The following CHIT1 variants were observed in gnomAD, a reference collection of about 807,000 sequenced individuals.
CHIT1 encodes the protein chitinase 1.
A neutral mutation model predicts 52.0 loss-of-function variants in CHIT1; 47 were observed. The observed-to-expected ratio is 0.90, with a 90% CI of 0.71 to 1.15. CHIT1 has a LOEUF of 1.15. Among genes scored for constraint, CHIT1 ranks in the 50% most tolerant of loss-of-function variants. The probability of loss-of-function intolerance (pLI) is 0.00; values close to 1 mark genes in which losing one functional copy is unlikely to be tolerated. For missense variants in CHIT1, 569 were observed against 583.0 expected, an observed-to-expected ratio of 0.98 and a Z score of 0.25; for synonymous variants, 242 against 228.2, an observed-to-expected ratio of 1.06 and a Z score of -0.54.
At chr1:203,222,397 A>T (rs549549514) in intron 6 of CHIT1, 72 bp from the exon 7 acceptor site, 5 of 1,607,984 alleles carry the variant, frequency 3.1e-6, no homozygotes, top group Non-Finnish European at 4.2e-6. Context: ...TCTCACTCCT[A>T]CCCCCTCAGT....
chr1:203,228,855 T>TG (rs2102247124), intron 1 of CHIT1, among the ~76,000 whole-genome samples: 1 of 152,258 alleles, frequency 6.6e-6, no homozygotes, highest in South Asian at 2.1e-4. Context: ...AGGAAGATTG[T>TG]GGAAAAACTG....
intron 9 of CHIT1, among the ~76,000 whole-genome samples, chr1:203,218,287 G>T (rs1356846023): frequency 6.6e-6 from 1 of 152,148 alleles, no homozygotes; most frequent in Admixed American, 6.5e-5. Context: ...CTCAATCAAG[G>T]CTTGCTTCTC....
rs138109389 is a variant in CHIT1 at position 203,220,311 on chromosome 1, G to A, written c.730-462C>T. 1.1e-3 allele frequency among the ~76,000 whole-genome samples: 173 copies of A among 152,312 alleles called. 1 individual carries two copies. Among genetic ancestry groups the A allele is most frequent in the African/African-American group, 4.1e-3 (172 of 41,576 alleles). On this transcript the variant is annotated intron_variant, in intron 7 of 10. Coordinates refer to ENST00000367229, the MANE Select transcript of CHIT1 (RefSeq NM_003465.3). ...AGGTTATAATGCATGTAAAAGGTCA[G>A]CACAACGCAATAAAGGGTCGCTGTG... is the stretch of plus-strand genomic sequence containing the variant.
At chr1:203,221,904 G>T (rs1182534782) in intron 7 of CHIT1, among the ~76,000 whole-genome samples, 3 of 152,130 alleles carry the variant, frequency 2.0e-5, no homozygotes, top group African/African-American at 4.8e-5. Context: ...GAAGCAGCAG[G>T]CCTGCTGGCT....
chr1:203,227,135 T>C (rs1656956098), intron 2 of CHIT1, among the ~76,000 whole-genome samples: 1 of 151,590 alleles, frequency 6.6e-6, no homozygotes, highest in Non-Finnish European at 1.5e-5. Context: ...TATAGGAGAG[T>C]TTTGGGAAGA....
chr1:203,222,837 C>T (rs975790560), intron 6 of CHIT1, among the ~76,000 whole-genome samples: 1 of 152,160 alleles, frequency 6.6e-6, no homozygotes, highest in African/African-American at 2.4e-5. Context: ...AATGGCTTCA[C>T]TACCCACTCA....
At chr1:203,229,691 T>C, upstream of CHIT1, 1 of 1,601,500 alleles carries the variant, frequency 6.2e-7, no homozygotes, top group Non-Finnish European at 8.5e-7. Flanking sequence ...CAGGTCCTGC[T>C]CTGCTTTTAT....
chr1:203,226,186 A>C (rs1656923017), intron 2 of CHIT1, among the ~76,000 whole-genome samples: 1 of 152,234 alleles, frequency 6.6e-6, no homozygotes. Flanking sequence ...ATGGCTGCTA[A>C]GAGGGCAGAG....
intron 6 of CHIT1, 117 bp downstream of exon 6, chr1:203,223,018 G>A: frequency 7.3e-7 from 1 of 1,366,948 alleles, no homozygotes; most frequent in Non-Finnish European, 1.0e-6. Context: ...GTGTAAGGAT[G>A]GGACTTTCCA....
At chr1:203,229,803 A>G, upstream of CHIT1, 1 of 765,324 alleles carries the variant, frequency 1.3e-6, no homozygotes, top group Non-Finnish European at 2.3e-6. Flanking sequence ...AAGCAGCATG[A>G]ATTGGGCAAA....
At chr1:203,221,532 G>A (rs1332103039) in intron 7 of CHIT1, among the ~76,000 whole-genome samples, 1 of 152,074 alleles carries the variant, frequency 6.6e-6, no homozygotes, top group Non-Finnish European at 1.5e-5. Flanking sequence ...GGGGCAGGAG[G>A]ATCGCTTAAG....
At chr1:203,217,898 G>C (rs757044414) in intron 9 of CHIT1, 33 bp from the exon 10 acceptor site, 2 of 1,593,632 alleles carry the variant, frequency 1.3e-6, no homozygotes. Flanking sequence ...GGAGGAGCCC[G>C]GGGAAGCCTG....
intron 7 of CHIT1, among the ~76,000 whole-genome samples, chr1:203,220,894 A>T (rs1488319875): frequency 6.6e-6 from 1 of 152,230 alleles, no homozygotes; most frequent in Non-Finnish European, 1.5e-5. Context: ...TCTTTGTAGG[A>T]ATAAGATGGC....
In CHIT1 at chr1:203,228,490, G is replaced by A. The variant is rs1279099182; in HGVS notation, c.55+43C>T. 2.6e-6 allele frequency: 4 copies of A among 1,567,000 alleles called. No individual in the cohort carries two copies. In the Admixed American group the frequency reaches 7.3e-5, roughly 29 times the overall value. On this transcript the variant is annotated intron_variant, in intron 2 of 10. Transcript: ENST00000367229. Reference sequence around the variant, plus strand: ...AAGGTGTTTTGGGACATTAAGCAGAGCCCAGGGAAGGGGCTGAGGCAGCCA... The same window carrying A: ...AAGGTGTTTTGGGACATTAAGCAGAACCCAGGGAAGGGGCTGAGGCAGCCA...
At position 203,223,475 on chromosome 1, in the gene CHIT1, C is replaced by T; in HGVS notation, c.480+20G>A. On this transcript the variant is annotated intron_variant, in intron 5 of 10. Coordinates refer to ENST00000367229, the MANE Select transcript of CHIT1 (RefSeq NM_003465.3). ...TGGGTCCCTGCACAGACTGGTGATC[C>T]CCGCCCCGCCCAGCCATACCTGTAC... 6.2e-7 allele frequency: 1 copy of T among 1,613,522 alleles called. No individual in the cohort carries two copies. The highest frequency in any genetic ancestry group is 8.5e-7 in the Non-Finnish European group (1 of 1,179,888).
At chr1:203,222,957 T>C (rs1656790872) in intron 6 of CHIT1, among the ~76,000 whole-genome samples, 178 bp downstream of exon 6, 1 of 152,060 alleles carries the variant, frequency 6.6e-6, no homozygotes, top group East Asian at 1.9e-4. Flanking sequence ...TCTGGATGTG[T>C]CTTAGTTTTA....
At chr1:203,228,694 A>G (rs1286479527) in intron 1 of CHIT1, 132 bp from the exon 2 acceptor site, 1 of 1,069,862 alleles carries the variant, frequency 9.3e-7, no homozygotes, top group African/African-American at 1.6e-5. Context: ...TCCTTTCAGA[A>G]GGGACCCAGG....
chr1:203,223,363 C>T lies in CHIT1; in HGVS notation c.481-104G>A, dbSNP rs543215091. 1.8e-5 allele frequency: 29 copies of T among 1,605,462 alleles called. No homozygotes were observed. The East Asian group carries it at 4.2e-4, about 23-fold the overall frequency. On this transcript the variant is annotated intron_variant, in intron 5 of 10. Transcript: ENST00000367229. ...CTTGTAGAAGTCTGAGAGCTGGCCACAGGGCTGATCTGTGCCATGCAGATA... is the reference window on the plus strand; with the variant it reads ...CTTGTAGAAGTCTGAGAGCTGGCCATAGGGCTGATCTGTGCCATGCAGATA...
rs774730548 is a variant in CHIT1, at chr1:203,225,900, G to A, written c.56-30C>T. Reference sequence around the variant, plus strand: ...CCCGTTGGAGTAAAGAAAAGGGATAGCTGTCAGCAGGACCTTCTGGGGACT... The same window carrying A: ...CCCGTTGGAGTAAAGAAAAGGGATAACTGTCAGCAGGACCTTCTGGGGACT... On this transcript the variant is annotated intron_variant, in intron 2 of 10. Coordinates refer to ENST00000367229, the MANE Select transcript of CHIT1 (RefSeq NM_003465.3). 6 of 1,611,546 alleles carry A rather than the reference G, an allele frequency of 3.7e-6. No individual in the cohort carries two copies. The Admixed American group carries it at 1.0e-4, about 27-fold the overall frequency.
Sources: allele counts gnomAD v4.1 joint callset (sites outside exome capture counted in the v4.1 genomes callset), GRCh38; gene constraint gnomAD v4.1.1; transcripts MANE v1.5; gene names NCBI Gene and HGNC (gene_info 2026-07-23, HGNC 2026-07-21).